LUZP2: variants seen among roughly 807,000 people sequenced by gnomAD.
LUZP2 encodes the protein leucine zipper protein 2.
Under a neutral mutation model 51.6 loss-of-function variants are expected in LUZP2, and 52 were observed. The ratio of observed to expected loss-of-function variants is 1.01; its 90% CI spans 0.81 to 1.27. LUZP2 has a LOEUF of 1.27. LUZP2 is among the 50% of genes most tolerant of loss of function. The pLI, the probability that LUZP2 is intolerant of heterozygous loss-of-function variation, is 0.00. For missense variants in LUZP2, 436 were observed against 395.4 expected (o/e 1.10, Z -0.87); for synonymous variants, 154 against 137.3 (o/e 1.12, Z -0.85).
At chr11:24,614,244 T>G (rs762808363) in intron 1 of LUZP2, among the ~76,000 whole-genome samples, 6 of 152,124 alleles carry the variant, frequency 3.9e-5, no homozygotes, top group South Asian at 2.1e-4. Context: ...GTCCATTCCA[T>G]TTTTGGTAAG....
chr11:24,927,087 G>A (rs1034223659), intron 7 of LUZP2, among the ~76,000 whole-genome samples: 1 of 150,686 alleles, frequency 6.6e-6, no homozygotes, highest in Non-Finnish European at 1.5e-5. Flanking sequence ...GCCAAATTTT[G>A]ATGGGATCTT....
chr11:24,639,055 C>T (rs1706936835), intron 1 of LUZP2, among the ~76,000 whole-genome samples: 1 of 151,820 alleles, frequency 6.6e-6, no homozygotes, highest in South Asian at 2.1e-4. Flanking sequence ...ACCTTCTCTA[C>T]AAATCTTCAG....
chr11:24,866,113 TACACACACACACACACACAC>T (rs60308723), intron 5 of LUZP2, among the ~76,000 whole-genome samples: 79,342 of 146,762 alleles, frequency 0.54, 22,337 homozygotes, highest in Middle Eastern at 0.66. Flanking sequence ...CTGCATTTCA[TACACACACACACACACACAC>T]ACACACACAC....
At chr11:24,866,810 G>T (rs1851912840) in intron 5 of LUZP2, among the ~76,000 whole-genome samples, 1 of 152,182 alleles carries the variant, frequency 6.6e-6, no homozygotes, top group South Asian at 2.1e-4. Context: ...GTGCAGAAGT[G>T]TAGAATGGGA....
At chr11:24,891,581 A>T (rs1032262929) in intron 5 of LUZP2, 15 of 863,554 alleles carry the variant, frequency 1.7e-5, no homozygotes, top group Admixed American at 6.2e-5. Context: ...ATTGAAGAAA[A>T]AGAAGTTCCA....
chr11:24,804,566 C>G (rs1486918507), intron 5 of LUZP2, among the ~76,000 whole-genome samples: 2 of 152,244 alleles, frequency 1.3e-5, no homozygotes, highest in East Asian at 1.9e-4. Flanking sequence ...TGGTAACAAA[C>G]TGGGGTAAAC....
chr11:24,937,664 G>T (rs1173908573), intron 7 of LUZP2, among the ~76,000 whole-genome samples: 1 of 152,104 alleles, frequency 6.6e-6, no homozygotes, highest in Non-Finnish European at 1.5e-5. Flanking sequence ...CACTTTGGGA[G>T]GCCGAGGTGG....
intron 5 of LUZP2, among the ~76,000 whole-genome samples, chr11:24,903,886 G>C (rs1471241925): frequency 6.6e-6 from 1 of 152,170 alleles, no homozygotes; most frequent in Non-Finnish European, 1.5e-5. Context: ...ACAGATCTGT[G>C]TATACTCATT....
intron 1 of LUZP2, among the ~76,000 whole-genome samples, chr11:24,691,854 T>C (rs1857076299): frequency 6.6e-6 from 1 of 151,992 alleles, no homozygotes; most frequent in Admixed American, 6.6e-5. Flanking sequence ...TACTCATGTA[T>C]TTTTTGTGAC....
At chr11:24,854,962 A>C (rs1014093179) in intron 5 of LUZP2, among the ~76,000 whole-genome samples, 1 of 152,186 alleles carries the variant, frequency 6.6e-6, no homozygotes, top group Non-Finnish European at 1.5e-5. Context: ...AGCCACACCC[A>C]CTGTCTAACC....
Position 24,732,107 on chromosome 11 carries a change from T to C in LUZP2, c.181-11T>C, listed in dbSNP as rs755663612. 2.8e-5 allele frequency: 45 copies of C among 1,600,484 alleles called. No homozygotes were observed. Among genetic ancestry groups the C allele is most frequent in the Non-Finnish European group, 3.4e-5 (40 of 1,171,858 alleles). ...CTGAATAAAACTTCATTTTTCCACT[T>C]TTCTTATCAGTCCTTAAAAAACGAT... On this transcript the variant is annotated splice_polypyrimidine_tract_variant and intron_variant, in intron 2 of 11. Transcript: ENST00000336930.
At chr11:25,009,004 C>T (rs1456132705) in intron 9 of LUZP2, among the ~76,000 whole-genome samples, 1 of 152,112 alleles carries the variant, frequency 6.6e-6, no homozygotes, top group South Asian at 2.1e-4. Context: ...TCACAGGGGA[C>T]CACTCCTTTG....
intron 5 of LUZP2, among the ~76,000 whole-genome samples, chr11:24,768,986 G>A (rs954212565): frequency 2.6e-5 from 4 of 152,142 alleles, no homozygotes; most frequent in Non-Finnish European, 5.9e-5. Flanking sequence ...CTAAGATATG[G>A]AATCAATGTG....
At chr11:24,523,831 A>G (rs924297579) in intron 1 of LUZP2, among the ~76,000 whole-genome samples, 10 of 151,766 alleles carry the variant, frequency 6.6e-5, no homozygotes, top group African/African-American at 2.4e-4. Flanking sequence ...CCTTAGAGGC[A>G]GTGGGGCAAT....
chr11:24,891,216 C>T, intron 5 of LUZP2: 2 of 984,916 alleles, frequency 2.0e-6, no homozygotes, highest in Non-Finnish European at 2.4e-6. Context: ...CCCTTGTCAA[C>T]TTTGGTGATA....
intron 9 of LUZP2, among the ~76,000 whole-genome samples, chr11:25,032,739 A>G (rs904080594): frequency 2.6e-5 from 4 of 152,180 alleles, no homozygotes; most frequent in Non-Finnish European, 5.9e-5. Context: ...ATAAAAGCAC[A>G]GAAAGGATGC....
chr11:24,612,375 G>C lies in LUZP2; in HGVS notation c.62+115070G>C, dbSNP rs149648486. Among the ~76,000 whole-genome samples, 4 of 152,050 alleles carry C rather than the reference G, an allele frequency of 2.6e-5. No homozygotes were observed. In the East Asian group the frequency reaches 5.8e-4, roughly 22 times the overall value. The stretch of plus-strand genomic sequence containing the variant: ...AAACAAAATTCTAGAGTTGACTAAA[G>C]ATTTCTTTATTTGAAAAATTAGGCC... On this transcript the variant is annotated intron_variant, in intron 1 of 11. Coordinates refer to ENST00000336930, the MANE Select transcript of LUZP2 (RefSeq NM_001009909.4).
intron 9 of LUZP2, among the ~76,000 whole-genome samples, chr11:25,001,244 T>C (rs1413296089): frequency 1.3e-5 from 2 of 152,224 alleles, no homozygotes; most frequent in South Asian, 2.1e-4. Flanking sequence ...ATTCTGTAAG[T>C]ACTTTAAGGT....
intron 1 of LUZP2, among the ~76,000 whole-genome samples, chr11:24,706,691 C>T (rs10834438): frequency 0.3 from 45,974 of 151,692 alleles, 7,772 homozygotes; most frequent in East Asian, 0.75. Context: ...ACTTTAGGAG[C>T]CAGCCTTATT....
Sources: gnomAD v4.1 joint callset for allele counts (sites outside exome capture counted in the v4.1 genomes callset) on GRCh38, gnomAD v4.1.1 for gene constraint, MANE v1.5 for transcripts, NCBI Gene and HGNC (gene_info 2026-07-23, HGNC 2026-07-21) for gene names.